The following TAF12 variants were observed in gnomAD, a reference collection of about 807,000 sequenced individuals.
The protein encoded by TAF12 is transcription initiation factor TFIID subunit 12.
In TAF12, 3 loss-of-function variants were observed where a neutral mutation model predicts 20.8. The ratio of observed to expected loss-of-function variants is 0.14; its 90% confidence interval spans 0.07 to 0.37. The LOEUF is 0.37. TAF12 is among the 10% of genes least tolerant of loss of function. The pLI is 1.00. For missense variants in TAF12, 131 were observed against 197.9 expected (o/e 0.66, Z 2.03); for synonymous variants, 69 against 70.2 (o/e 0.98, Z 0.09).
intron 1 of TAF12, among the ~76,000 whole-genome samples, chr1:28,625,158 AG>A (rs1189616100): frequency 3.3e-5 from 5 of 152,222 alleles, no homozygotes; most frequent in Non-Finnish European, 7.3e-5. Context: ...ACAACCTTCA[AG>A]GGACTTCCCA....
At chr1:28,643,455 G>T (rs897769212), upstream of TAF12, 1 of 152,192 alleles carries the variant, frequency 6.6e-6, no homozygotes. Context: ...TTACCCCACA[G>T]GTATCCTGTT....
chr1:28,617,819 C>G, intron 3 of TAF12, 134 bp downstream of exon 3: 3 of 876,496 alleles, frequency 3.4e-6, no homozygotes, highest in Non-Finnish European at 5.6e-6. Flanking sequence ...TCTTGAACCT[C>G]TGGGTTCCAG....
chr1:28,643,494 G>A (rs1027465730), upstream of TAF12: 24 of 152,256 alleles, frequency 1.6e-4, no homozygotes, highest in African/African-American at 5.8e-4. Flanking sequence ...TGGCAACAGA[G>A]GAACCAGGAG....
intron 3 of TAF12, among the ~76,000 whole-genome samples, chr1:28,615,921 T>C (rs941182609): frequency 6.6e-6 from 1 of 152,118 alleles, no homozygotes; most frequent in Non-Finnish European, 1.5e-5. Context: ...GTACCTCTTT[T>C]CCCAAGTTTG....
chr1:28,609,532 G>A (rs567236830), intron 4 of TAF12, among the ~76,000 whole-genome samples: 1 of 151,992 alleles, frequency 6.6e-6, no homozygotes, highest in South Asian at 2.1e-4. Flanking sequence ...TGTCGCCCAG[G>A]CTGGAGTGCA....
At chr1:28,606,153 T>C (rs528409067) in intron 4 of TAF12, among the ~76,000 whole-genome samples, 1 of 152,058 alleles carries the variant, frequency 6.6e-6, no homozygotes, top group Non-Finnish European at 1.5e-5. Flanking sequence ...CATCTGCCAC[T>C]GCATCTGGCT....
At chr1:28,618,152 C>T (rs1667100534) in intron 2 of TAF12, 122 bp from the exon 3 acceptor site, 4 of 823,054 alleles carry the variant, frequency 4.9e-6, no homozygotes, top group African/African-American at 3.4e-5. Flanking sequence ...AATGAGTTCA[C>T]AGTCTGGCCT....
At chr1:28,613,451 T>C in intron 3 of TAF12, 90 bp from the exon 4 acceptor site, 4 of 1,068,626 alleles carry the variant, frequency 3.7e-6, no homozygotes, top group Non-Finnish European at 5.4e-6. Context: ...GGATTGCATA[T>C]TTAGTCAGGC....
intron 1 of TAF12, among the ~76,000 whole-genome samples, chr1:28,639,331 G>A (rs997670840): frequency 2.0e-5 from 3 of 150,744 alleles, no homozygotes; most frequent in South Asian, 2.1e-4. Flanking sequence ...CAGGAGAATC[G>A]CTTGAACCCG....
chr1:28,607,302 C>T lies in TAF12; in HGVS notation c.362-1842G>A, dbSNP rs186146569. Among the ~76,000 whole-genome samples the T allele has an allele frequency of 3.7e-3, 559 of 151,908 alleles. 1 individual carries two copies. Among genetic ancestry groups the T allele is most frequent in the Non-Finnish European group, 5.4e-3 (368 of 67,938 alleles). On this transcript the variant is annotated intron_variant, in intron 4 of 5. Transcript: ENST00000373824. ...ATCTCAGCACTTTGGGAGGCCAAGA[C>T]GGGAAGACTGCTTGAGCCCAGGAGT...
At chr1:28,612,547 T>C (rs1666900445) in intron 4 of TAF12, among the ~76,000 whole-genome samples, 1 of 145,638 alleles carries the variant, frequency 6.9e-6, no homozygotes, top group South Asian at 2.1e-4. Flanking sequence ...TATAAATATA[T>C]ATACACACAT....
chr1:28,620,137 A>ATT (rs1246264663), intron 2 of TAF12, among the ~76,000 whole-genome samples: 1 of 146,168 alleles, frequency 6.8e-6, no homozygotes. Context: ...AAGAAAAAAA[A>ATT]TTTTTTTTTT....
At chr1:28,635,594 T>C (rs894934989) in intron 1 of TAF12, among the ~76,000 whole-genome samples, 3 of 149,448 alleles carry the variant, frequency 2.0e-5, no homozygotes, top group African/African-American at 4.9e-5. Flanking sequence ...CATGAGCCAC[T>C]GCACCCGGCC....
upstream of TAF12, among the ~76,000 whole-genome samples, chr1:28,644,339 C>CAA (rs138068134): frequency 5.1e-4 from 78 of 152,344 alleles, 1 homozygote; most frequent in East Asian, 9.1e-3. Context: ...TCCAAATTCT[C>CAA]AGATTCAAGT....
chr1:28,635,743 G>T (rs1368056731), intron 1 of TAF12, among the ~76,000 whole-genome samples: 1 of 151,710 alleles, frequency 6.6e-6, no homozygotes, highest in Non-Finnish European at 1.5e-5. Context: ...TTTTTCATAG[G>T]GTAGGAATTA....
At chr1:28,606,857 C>G (rs1222859371) in intron 4 of TAF12, among the ~76,000 whole-genome samples, 1 of 152,142 alleles carries the variant, frequency 6.6e-6, no homozygotes, top group Non-Finnish European at 1.5e-5. Context: ...TTTTATGTAG[C>G]TGTAACAACA....
chr1:28,627,665 C>CAAAAAA (rs61016146), intron 1 of TAF12, among the ~76,000 whole-genome samples: 1 of 103,466 alleles, frequency 9.7e-6, no homozygotes, highest in Non-Finnish European at 1.8e-5. Context: ...TGCACTCCCT[C>CAAAAAA]AAAAAAAAAA....
At chr1:28,641,910 A>T (rs2124394425) in intron 1 of TAF12, among the ~76,000 whole-genome samples, 1 of 152,216 alleles carries the variant, frequency 6.6e-6, no homozygotes, top group East Asian at 1.9e-4. Flanking sequence ...AGGGTACTGT[A>T]TTAAAATTAT....
chr1:28,618,853 G>A (rs1667121406), intron 2 of TAF12, among the ~76,000 whole-genome samples: 1 of 152,102 alleles, frequency 6.6e-6, no homozygotes, highest in Non-Finnish European at 1.5e-5. Flanking sequence ...CCTTCATAAA[G>A]GAAATGTCAT....
Sources: allele counts gnomAD v4.1 joint callset (sites outside exome capture counted in the v4.1 genomes callset), GRCh38; gene constraint gnomAD v4.1.1; transcripts MANE v1.5; gene names NCBI Gene and HGNC (gene_info 2026-07-23, HGNC 2026-07-21).